Variants in FNDC1 observed in about 807,000 individuals in gnomAD.
FNDC1 encodes fibronectin type III domain containing 1, also known as fibronectin type III domain-containing protein 1.
In FNDC1, 96 loss-of-function variants were observed where a neutral mutation model predicts 168.0. That is an observed-to-expected ratio of 0.57 (90% confidence interval 0.48 to 0.68). The LOEUF (loss-of-function observed/expected upper bound fraction) is 0.68. Among genes scored for constraint, FNDC1 ranks in the 30% least tolerant of loss-of-function variants. The probability of loss-of-function intolerance (pLI) is 0.00; values close to 1 mark genes in which losing one functional copy is unlikely to be tolerated. For synonymous variants in FNDC1, 1,099 were observed against 1,025.9 expected, an observed-to-expected ratio of 1.07 and a Z score of -1.36; for missense variants, 2,587 against 2,482.1, an observed-to-expected ratio of 1.04 and a Z score of -0.90.
Position 159,232,171 on chromosome 6 carries a change from C to G in FNDC1, c.1659C>G (p.Pro553=). The change falls in exon 11 of 23, where the codon CCC becomes CCG. Residue 553 remains proline (P), a synonymous_variant. Coordinates refer to ENST00000297267, the MANE Select transcript of FNDC1 (RefSeq NM_032532.3). This position sits in a 1 kb window ranked among gnomAD's most constrained non-coding sequence, Gnocchi z 4.9. ...AGCTGGGTTCCCGGGAGGACTCGCC[C>G]ATGTCACCCTCAGACACCCAAGACC... ...EEELGSREDS[P]MSPSDTQDQK... 1 of 1,613,796 alleles carries G rather than the reference C, an allele frequency of 6.2e-7. No individual in the cohort carries two copies. Among genetic ancestry groups the G allele is most frequent in the Non-Finnish European group, 8.5e-7 (1 of 1,179,856 alleles).
chr6:159,205,440 G>GTCTCTCCAA (rs1165684232), intron 4 of FNDC1, among the ~76,000 whole-genome samples: 1 of 152,186 alleles, frequency 6.6e-6, no homozygotes, highest in African/African-American at 2.4e-5. Context: ...TGAGATGGCT[G>GTCTCTCCAA]TCTCTCCAAT....
chr6:159,261,101 G>T lies in FNDC1; in HGVS notation c.5175-89G>T, dbSNP rs1228695226. 3.2e-6 allele frequency: 3 copies of T among 936,654 alleles called. No homozygotes were observed. In the Admixed American group the frequency reaches 6.3e-5, roughly 20 times the overall value. 58.0% of individuals were successfully genotyped at this position (936,654 alleles called of 1,614,324 possible). A position where few individuals can be genotyped will look rare whatever the true frequency, so the allele number is the denominator to read the frequency against. On this transcript the variant is annotated intron_variant, in intron 18 of 22. Coordinates refer to ENST00000297267, the MANE Select transcript of FNDC1 (RefSeq NM_032532.3). ...AAAGTAGAACTCAAAGCCTGTCACG[G>T]TTCAGGTGTTCAGTAGTTTGGGAGT...
chr6:159,211,414 G>C (rs117020565), intron 4 of FNDC1, among the ~76,000 whole-genome samples: 1,955 of 152,332 alleles, frequency 0.013, 20 homozygotes, highest in Middle Eastern at 0.027. Context: ...AATGAAGAGA[G>C]GGATTTCGAG....
At chr6:159,185,148 TAAAA>T (rs1781969360) in intron 1 of FNDC1, among the ~76,000 whole-genome samples, 3 of 151,884 alleles carry the variant, frequency 2.0e-5, no homozygotes, top group Non-Finnish European at 4.4e-5. Context: ...CCAAGAACTT[TAAAA>T]CCTCAAATCC....
Position 159,226,504 on chromosome 6 carries a change from C to T in FNDC1, c.1104C>T (p.Val368=). The part of the protein sequence containing the change: ...APTTAPENLN[V]WPVNGKPTVV... ...CCACAGCTCCTGAAAACTTGAACGTCTGGCCAGTCAATGGCAAACCTACAG... is the reference window on the plus strand; with the variant it reads ...CCACAGCTCCTGAAAACTTGAACGTTTGGCCAGTCAATGGCAAACCTACAG... The change falls in exon 9 of 23, where the codon GTC becomes GTT. Residue 368 remains valine (V), a synonymous_variant. Coordinates refer to ENST00000297267, the MANE Select transcript of FNDC1 (RefSeq NM_032532.3). 1 of 1,612,574 alleles carries T rather than the reference C, an allele frequency of 6.2e-7. No homozygotes were observed. The highest frequency in any genetic ancestry group is 8.5e-7 in the Non-Finnish European group (1 of 1,179,356).
In FNDC1 at chr6:159,178,045, G is replaced by C. The variant is rs1311661325; in HGVS notation, c.109+8340G>C. Among the ~76,000 whole-genome samples the C allele has an allele frequency of 2.0e-5, 3 of 152,274 alleles. 1 individual carries two copies. In the South Asian group the frequency reaches 6.2e-4, roughly 32 times the overall value. On this transcript the variant is annotated intron_variant, in intron 1 of 22. Coordinates refer to ENST00000297267, the MANE Select transcript of FNDC1 (RefSeq NM_032532.3). ...TGGAGTCACTTATGCTAAAACCCCTGACAAACAGAGCCATGAAAGGCCAGC... is the reference window on the plus strand; with the variant it reads ...TGGAGTCACTTATGCTAAAACCCCTCACAAACAGAGCCATGAAAGGCCAGC...
At position 159,261,285 on chromosome 6, in the gene FNDC1, C is replaced by A; in HGVS notation, c.5254+16C>A. On this transcript the variant is annotated intron_variant, in intron 19 of 22. Transcript: ENST00000297267. Reference sequence around the variant, plus strand: ...ACCGAATCAGGTATGAATGACTTCACATTCTGATTTGTTTTACTTTTCGAG... The same window carrying A: ...ACCGAATCAGGTATGAATGACTTCAAATTCTGATTTGTTTTACTTTTCGAG... The A allele has an allele frequency of 6.4e-7, 1 of 1,563,822 alleles. No individual in the cohort carries two copies. The highest frequency in any genetic ancestry group is 8.8e-7 in the Non-Finnish European group (1 of 1,137,344).
At chr6:159,221,810 A>C in intron 6 of FNDC1, 114 bp downstream of exon 6, 1 of 859,876 alleles carries the variant, frequency 1.2e-6, no homozygotes, top group Non-Finnish European at 1.9e-6. Flanking sequence ...GGCTAAAAGA[A>C]ATAACAGGGC....
chr6:159,194,381 A>T (rs926458077), intron 1 of FNDC1, among the ~76,000 whole-genome samples: 1 of 152,238 alleles, frequency 6.6e-6, no homozygotes, highest in African/African-American at 2.4e-5. Context: ...AGCTTTAAAG[A>T]ATGTATCCTA....
At chr6:159,178,459 G>A (rs1470648962) in intron 1 of FNDC1, among the ~76,000 whole-genome samples, 1 of 151,994 alleles carries the variant, frequency 6.6e-6, no homozygotes, top group African/African-American at 2.4e-5. Context: ...TCCCCTAAAG[G>A]CGGCATTTGC....
At position 159,232,569 on chromosome 6, in the gene FNDC1, C is replaced by T. The variant is rs1355195417; in HGVS notation, c.2057C>T (p.Ser686Phe). The T allele has an allele frequency of 6.2e-7, 1 of 1,610,356 alleles. No individual in the cohort carries two copies. Among genetic ancestry groups the T allele is most frequent in the African/African-American group, 1.3e-5 (1 of 74,880 alleles). The change falls in exon 11 of 23, where the codon TCT (serine) becomes TTT (phenylalanine). Residue 686 changes from serine to phenylalanine, a missense_variant. Ser to Phe is a radical substitution (Grantham distance 155). Transcript: ENST00000297267. The surrounding 1 kb of genome is among the most constrained non-coding windows in gnomAD (Gnocchi z 4.9). ...TCCAGCGTTCTCCGCGACAGAAGCTCTGTGCACCCCGGCGCAAAGCCAGCC... is the reference window on the plus strand; with the variant it reads ...TCCAGCGTTCTCCGCGACAGAAGCTTTGTGCACCCCGGCGCAAAGCCAGCC... ...SPSSVLRDRS[S>F]VHPGAKPASP...
chr6:159,194,999 A>T (rs956068291), intron 1 of FNDC1, among the ~76,000 whole-genome samples: 2 of 152,128 alleles, frequency 1.3e-5, no homozygotes, highest in Non-Finnish European at 2.9e-5. Flanking sequence ...CATCAGGTCA[A>T]GCGTTTTGTT....
At chr6:159,260,262 C>G (rs966171034) in intron 18 of FNDC1, among the ~76,000 whole-genome samples, 14 of 152,162 alleles carry the variant, frequency 9.2e-5, no homozygotes, top group African/African-American at 3.1e-4. Context: ...GAGGAAAGCA[C>G]AAAGATTAAG....
intron 1 of FNDC1, among the ~76,000 whole-genome samples, chr6:159,196,611 C>T (rs2114943989): frequency 6.6e-6 from 1 of 152,282 alleles, no homozygotes; most frequent in East Asian, 1.9e-4. Context: ...ATGCTTTACT[C>T]AATAGTCAGT....
chr6:159,221,451 T>C, intron 5 of FNDC1, 147 bp from the exon 6 acceptor site: 1 of 642,656 alleles, frequency 1.6e-6, no homozygotes. Context: ...CCCTTCATAG[T>C]CCTCAAGAAG....
chr6:159,212,548 G>T (rs549054344), intron 4 of FNDC1, among the ~76,000 whole-genome samples: 1 of 152,232 alleles, frequency 6.6e-6, no homozygotes, highest in East Asian at 1.9e-4. Context: ...AATGGGGTTG[G>T]TTTTTCTAAA....
intron 1 of FNDC1, among the ~76,000 whole-genome samples, chr6:159,177,513 C>T (rs1159006310): frequency 6.6e-6 from 1 of 152,008 alleles, no homozygotes; most frequent in Non-Finnish European, 1.5e-5. Context: ...GGAGAAGCCT[C>T]CCTAGCCAGG....
Position 159,222,713 on chromosome 6 carries a change from T to C in FNDC1, c.767-815T>C, listed in dbSNP as rs550063536. 1.2e-3 allele frequency among the ~76,000 whole-genome samples: 178 copies of C among 152,336 alleles called. 2 individuals carry two copies. The highest frequency in any genetic ancestry group is 4.2e-3 in the African/African-American group (173 of 41,572). ...TTTAATCTGTCTTGGACTCACACCTTCTAAAATGTGAGGACATCAAACCCA... is the reference window on the plus strand; with the variant it reads ...TTTAATCTGTCTTGGACTCACACCTCCTAAAATGTGAGGACATCAAACCCA... On this transcript the variant is annotated intron_variant, in intron 6 of 22. Coordinates refer to ENST00000297267, the MANE Select transcript of FNDC1 (RefSeq NM_032532.3).
At position 159,226,502 on chromosome 6, in the gene FNDC1, G is replaced by A. The variant is rs372105571; in HGVS notation, c.1102G>A (p.Val368Ile). The change falls in exon 9 of 23, where the codon GTC (valine) becomes ATC (isoleucine). Residue 368 changes from valine (V) to isoleucine (I), a missense_variant. Transcript: ENST00000297267. The part of the protein sequence containing the change: ...APTTAPENLN[V>I]WPVNGKPTVV... The stretch of plus-strand genomic sequence containing the variant: ...TACCACAGCTCCTGAAAACTTGAAC[G>A]TCTGGCCAGTCAATGGCAAACCTAC... The A allele has an allele frequency of 3.4e-5, 55 of 1,612,368 alleles. No individual in the cohort carries two copies. In the South Asian group the frequency reaches 4.6e-4, roughly 14 times the overall value.
Sources: allele counts gnomAD v4.1 joint callset (sites outside exome capture counted in the v4.1 genomes callset), GRCh38; gene constraint gnomAD v4.1.1; non-coding constraint Gnocchi (gnomAD v3.1); transcripts MANE v1.5; gene names NCBI Gene and HGNC (gene_info 2026-07-23, HGNC 2026-07-21).